The following SBF2 variants were observed in gnomAD, a reference collection of about 807,000 sequenced individuals.
SBF2 encodes myotubularin-related protein 13.
In SBF2, 112 loss-of-function variants were observed where a neutral mutation model predicts 225.2. The ratio of observed to expected loss-of-function variants is 0.50; its 90% CI spans 0.43 to 0.58. The LOEUF (loss-of-function observed/expected upper bound fraction) is 0.58, where lower values mean the gene tolerates loss of function less well. Among genes scored for constraint, SBF2 ranks in the 20% least tolerant of loss-of-function variants. SBF2 has a pLI of 0.00. For missense variants in SBF2, 1,996 were observed against 2,206.2 expected (o/e 0.90, Z 1.91); for synonymous variants, 763 against 773.3 (o/e 0.99, Z 0.22).
intron 2 of SBF2, among the ~76,000 whole-genome samples, chr11:10,169,717 T>A (rs1260228399): frequency 2.0e-5 from 3 of 152,198 alleles, no homozygotes; most frequent in Admixed American, 2.0e-4. Flanking sequence ...TGCTAGATCA[T>A]ATGGTAGCTC....
At chr11:10,242,307 C>T (rs1959294856) in intron 1 of SBF2, among the ~76,000 whole-genome samples, 1 of 151,456 alleles carries the variant, frequency 6.6e-6, no homozygotes, top group Non-Finnish European at 1.5e-5. Context: ...ACTGTCATAA[C>T]TATTAAGAAA....
intron 2 of SBF2, among the ~76,000 whole-genome samples, chr11:10,067,065 G>T (rs1444027538): frequency 6.6e-6 from 1 of 152,036 alleles, no homozygotes; most frequent in Non-Finnish European, 1.5e-5. Flanking sequence ...ACTGCTTGAG[G>T]CCAGGAGATT....
chr11:10,272,195 C>A lies in SBF2; in HGVS notation c.55+21820G>T, dbSNP rs1341650488. The A allele has an allele frequency of 6.5e-6, 7 of 1,081,360 alleles. 1 individual carries two copies. The African/African-American group carries it at 1.2e-4, about 18-fold the overall frequency. 67.0% of individuals were successfully genotyped at this position (1,081,360 alleles called of 1,614,324 possible). On this transcript the variant is annotated intron_variant, in intron 1 of 39. Coordinates refer to ENST00000256190, the MANE Select transcript of SBF2 (RefSeq NM_030962.4). ...CTGAGAGACCTTGATCCTCTCCACG[C>A]CAGCCTCCAACTTGAGCTGCTCTAC... is the stretch of plus-strand genomic sequence containing the variant.
chr11:10,114,316 C>T (rs1202298197), intron 2 of SBF2, among the ~76,000 whole-genome samples: 1 of 152,124 alleles, frequency 6.6e-6, no homozygotes, highest in Non-Finnish European at 1.5e-5. Context: ...TCTGAGATCT[C>T]ATGTTTTTCT....
intron 18 of SBF2, among the ~76,000 whole-genome samples, chr11:9,857,413 T>TTA (rs1159853330): frequency 6.6e-6 from 1 of 152,246 alleles, no homozygotes; most frequent in East Asian, 1.9e-4. Flanking sequence ...TTACATCTGC[T>TTA]TAAAAAATGA....
intron 2 of SBF2, among the ~76,000 whole-genome samples, chr11:10,101,629 A>G (rs1259661912): frequency 1.3e-5 from 2 of 149,986 alleles, no homozygotes; most frequent in East Asian, 2.0e-4. Flanking sequence ...TTACCAGTCA[A>G]AAGTTTCTGG....
At chr11:9,846,270 A>G (rs1202603606) in intron 23 of SBF2, among the ~76,000 whole-genome samples, 1 of 152,234 alleles carries the variant, frequency 6.6e-6, no homozygotes, top group Non-Finnish European at 1.5e-5. Context: ...TACATTTCAC[A>G]CAATTAGCAT....
chr11:10,176,097 G>A (rs796994120), intron 2 of SBF2, among the ~76,000 whole-genome samples: 1 of 112,462 alleles, frequency 8.9e-6, no homozygotes, highest in Non-Finnish European at 2.0e-5. Context: ...ACTACTGGGT[G>A]CATAACGAAA....
intron 16 of SBF2, among the ~76,000 whole-genome samples, chr11:9,903,390 G>A (rs1861881479): frequency 6.6e-6 from 1 of 152,124 alleles, no homozygotes; most frequent in Non-Finnish European, 1.5e-5. Context: ...GAATAAATGT[G>A]TTAGTGGTGG....
chr11:9,895,146 G>A (rs920252656), intron 17 of SBF2, among the ~76,000 whole-genome samples: 1 of 151,968 alleles, frequency 6.6e-6, no homozygotes, highest in African/African-American at 2.4e-5. Context: ...TCAAATCTAA[G>A]CCCACCACTA....
chr11:10,062,204 G>C (rs530947876), intron 2 of SBF2, among the ~76,000 whole-genome samples: 201 of 152,256 alleles, frequency 1.3e-3, no homozygotes, highest in African/African-American at 4.6e-3. Flanking sequence ...ATGAATTAAA[G>C]ACTTAAATGT....
intron 28 of SBF2, chr11:9,828,165 G>A (rs976076054): frequency 1.0e-4 from 130 of 1,289,568 alleles, no homozygotes; most frequent in Non-Finnish European, 1.3e-4. Flanking sequence ...ACATCCAAAT[G>A]TCCTGGCACT....
chr11:10,042,774 T>C, intron 3 of SBF2, 70 bp downstream of exon 3: 1 of 1,534,788 alleles, frequency 6.5e-7, no homozygotes. Flanking sequence ...GTAACAAAAA[T>C]ATGGCATATA....
chr11:10,299,297 C>T (rs1964574957), intron 1 of SBF2, among the ~76,000 whole-genome samples: 1 of 137,558 alleles, frequency 7.3e-6, no homozygotes, highest in Admixed American at 8.1e-5. Context: ...GAGATGGCAC[C>T]ACTGCACTCC....
At chr11:10,087,982 T>C (rs1951638135) in intron 2 of SBF2, among the ~76,000 whole-genome samples, 1 of 152,162 alleles carries the variant, frequency 6.6e-6, no homozygotes, top group African/African-American at 2.4e-5. Flanking sequence ...CACATATCGT[T>C]GTAATTTGAA....
At chr11:10,106,687 G>GT (rs138835804) in intron 2 of SBF2, among the ~76,000 whole-genome samples, 116 of 147,326 alleles carry the variant, frequency 7.9e-4, no homozygotes, top group African/African-American at 2.2e-3. Flanking sequence ...TGTTAAACCT[G>GT]TTTTTTTTGA....
rs1021462036 is a variant in SBF2, at chr11:9,952,569, T to C, written c.1860+9388A>G. Among the ~76,000 whole-genome samples the C allele has an allele frequency of 5.9e-5, 9 of 152,216 alleles. No homozygotes were observed. The South Asian group carries it at 1.2e-3, about 21-fold the overall frequency. ...AAAGATCACTCATCTATCAGCTTTC[T>C]AGCTTCTAAGATGTTGCTGTTGCCT... On this transcript the variant is annotated intron_variant, in intron 16 of 39. Coordinates refer to ENST00000256190, the MANE Select transcript of SBF2 (RefSeq NM_030962.4).
At chr11:9,999,579 C>T (rs926593177) in intron 8 of SBF2, among the ~76,000 whole-genome samples, 7 of 152,018 alleles carry the variant, frequency 4.6e-5, no homozygotes, top group Non-Finnish European at 8.8e-5. Flanking sequence ...GCCTTGGCCT[C>T]CCGAAGTGCT....
chr11:10,161,959 T>C (rs913463978), intron 2 of SBF2, among the ~76,000 whole-genome samples: 1 of 152,208 alleles, frequency 6.6e-6, no homozygotes, highest in African/African-American at 2.4e-5. Context: ...CATTCTTGGC[T>C]GGGCAACACA....
Sources: allele counts gnomAD v4.1 joint callset (sites outside exome capture counted in the v4.1 genomes callset), GRCh38; gene constraint gnomAD v4.1.1; transcripts MANE v1.5; gene names NCBI Gene and HGNC (gene_info 2026-07-23, HGNC 2026-07-21).